The following SV2C variants were observed in gnomAD, a reference collection of about 807,000 sequenced individuals.
SV2C encodes the protein solute carrier family 22 member B3.
A neutral mutation model predicts 79.7 loss-of-function variants in SV2C; 49 were observed. The observed-to-expected ratio is 0.61, with a 90% CI of 0.49 to 0.78. SV2C has a LOEUF of 0.78. Ranked by LOEUF, SV2C falls within the 30% of genes least tolerant of loss-of-function variation. The probability of loss-of-function intolerance (pLI) is 0.00; values close to 1 mark genes in which losing one functional copy is unlikely to be tolerated. For synonymous variants in SV2C, 334 were observed against 333.2 expected, an observed-to-expected ratio of 1.00 and a Z score of -0.03; for missense variants, 833 against 912.9, an observed-to-expected ratio of 0.91 and a Z score of 1.13.
exon 13 of SV2C, chr5:76,353,933 T>A (rs578197348): frequency 6.6e-6 from 1 of 152,322 alleles, no homozygotes; most frequent in East Asian, 1.9e-4. Flanking sequence ...AAAGACTTTG[T>A]CTCTTTCATT....
At chr5:76,034,152 A>C in the SV2C span, among the ~76,000 whole-genome samples, 1 of 151,564 alleles carries the variant, frequency 6.6e-6, no homozygotes, top group Non-Finnish European at 1.5e-5. Flanking sequence ...TTTTGGGCTG[A>C]GACAATGGGG....
At chr5:76,045,109 C>T in the SV2C span, among the ~76,000 whole-genome samples, 1 of 152,112 alleles carries the variant, frequency 6.6e-6, no homozygotes, top group African/African-American at 2.4e-5. Flanking sequence ...AGGAAGGGGT[C>T]CAGTTTCAAT....
At chr5:76,239,120 T>C (rs1745703719) in intron 4 of SV2C, among the ~76,000 whole-genome samples, 1 of 152,192 alleles carries the variant, frequency 6.6e-6, no homozygotes, top group Non-Finnish European at 1.5e-5. Flanking sequence ...ACACCACAGT[T>C]TCCTTGGCTC....
the SV2C span, among the ~76,000 whole-genome samples, chr5:76,044,761 T>A: frequency 2.6e-5 from 4 of 152,154 alleles, no homozygotes; most frequent in African/African-American, 9.7e-5. Context: ...TGGGGTGGGT[T>A]GTTTGTTTTT....
chr5:75,865,384 C>T, the SV2C span, among the ~76,000 whole-genome samples: 3,608 of 152,186 alleles, frequency 0.024, 140 homozygotes, highest in African/African-American at 0.083. Flanking sequence ...TATAAAGGGT[C>T]CCATGTGACC....
intron 1 of SV2C, among the ~76,000 whole-genome samples, chr5:76,103,246 GGA>G (rs139749338): frequency 6.6e-6 from 1 of 151,764 alleles, no homozygotes; most frequent in Non-Finnish European, 1.5e-5. Flanking sequence ...TGCAAAGCAG[GGA>G]GAGAGAGAGA....
chr5:75,914,741 G>A, the SV2C span, among the ~76,000 whole-genome samples: 1 of 152,178 alleles, frequency 6.6e-6, no homozygotes, highest in African/African-American at 2.4e-5. Context: ...TAGTCAACAT[G>A]TAATGAGTGG....
rs186496928 is a variant in SV2C at position 76,262,813 on chromosome 5, C to A, written c.914-22349C>A. On this transcript the variant is annotated intron_variant, in intron 4 of 12. Coordinates refer to ENST00000502798, the MANE Select transcript of SV2C (RefSeq NM_014979.4). ...CTGAGAGACTGACTGTTGTGATTTCCGTTCTTTTGCATTTGCTGAGGAGTG... is the reference window on the plus strand; with the variant it reads ...CTGAGAGACTGACTGTTGTGATTTCAGTTCTTTTGCATTTGCTGAGGAGTG... 3.5e-5 allele frequency among the ~76,000 whole-genome samples: 5 copies of A among 142,628 alleles called. No homozygotes were observed. The East Asian group carries it at 7.7e-4, about 22-fold the overall frequency. The allele number at this position is 142,628 out of a possible 152,430, so 93.6% of individuals were successfully genotyped here.
chr5:76,070,781 A>C, the SV2C span, among the ~76,000 whole-genome samples: 1 of 152,234 alleles, frequency 6.6e-6, no homozygotes, highest in Non-Finnish European at 1.5e-5. Context: ...GATCTGGAAT[A>C]TCTTCTATCC....
the SV2C span, among the ~76,000 whole-genome samples, chr5:75,858,532 A>G: frequency 6.6e-6 from 1 of 152,320 alleles, no homozygotes; most frequent in South Asian, 2.1e-4. Flanking sequence ...TCTTTGCATC[A>G]AAGTTCTTCA....
chr5:76,122,724 G>A (rs1748558825), intron 1 of SV2C, among the ~76,000 whole-genome samples: 1 of 151,892 alleles, frequency 6.6e-6, no homozygotes, highest in African/African-American at 2.4e-5. Context: ...ATTCAAAGCA[G>A]TGTGTAGAGG....
At chr5:76,036,137 T>G in the SV2C span, among the ~76,000 whole-genome samples, 2 of 151,926 alleles carry the variant, frequency 1.3e-5, no homozygotes, top group African/African-American at 2.4e-5. Flanking sequence ...CCTATGTGTG[T>G]CTCTGCCCGT....
chr5:75,989,588 G>T, the SV2C span, among the ~76,000 whole-genome samples: 1 of 151,862 alleles, frequency 6.6e-6, no homozygotes, highest in Non-Finnish European at 1.5e-5. Flanking sequence ...GTGCTGCAAT[G>T]AACATACATG....
At chr5:76,047,754 TTTTTTTCTTTTC>T in the SV2C span, among the ~76,000 whole-genome samples, 1 of 150,172 alleles carries the variant, frequency 6.7e-6, no homozygotes, top group African/African-American at 2.4e-5. Context: ...TACCGTATTC[TTTTTTTCTTTTC>T]TTTTTTTTTT....
intron 1 of SV2C, among the ~76,000 whole-genome samples, chr5:76,126,916 A>G (rs992081988): frequency 7.2e-5 from 11 of 152,212 alleles, no homozygotes; most frequent in Non-Finnish European, 1.2e-4. Flanking sequence ...CATTTTTAAA[A>G]GTACCTACCC....
chr5:76,101,971 A>G (rs34209238), intron 1 of SV2C, among the ~76,000 whole-genome samples: 273 of 152,260 alleles, frequency 1.8e-3, no homozygotes, highest in Non-Finnish European at 3.0e-3. Context: ...TTTAGTTTTT[A>G]TCACACCCTC....
intron 1 of SV2C, among the ~76,000 whole-genome samples, chr5:76,096,007 C>G (rs1747544375): frequency 6.6e-6 from 1 of 152,098 alleles, no homozygotes; most frequent in African/African-American, 2.4e-5. Context: ...CGGTCTTAAT[C>G]CTTATTACAT....
chr5:75,887,209 G>A, the SV2C span, among the ~76,000 whole-genome samples: 10 of 151,724 alleles, frequency 6.6e-5, no homozygotes, highest in Non-Finnish European at 1.5e-4. Flanking sequence ...TCATTTTTTT[G>A]TGTTGAGAAC....
chr5:76,189,452 T>A (rs1210047606), intron 2 of SV2C, among the ~76,000 whole-genome samples: 1 of 152,214 alleles, frequency 6.6e-6, no homozygotes, highest in African/African-American at 2.4e-5. Context: ...CAAAGCATAC[T>A]TTTAGGGGTC....
Sources: gnomAD v4.1 joint callset for allele counts (sites outside exome capture counted in the v4.1 genomes callset) on GRCh38, gnomAD v4.1.1 for gene constraint, MANE v1.5 for transcripts, NCBI Gene and HGNC (gene_info 2026-07-23, HGNC 2026-07-21) for gene names.